The following DDX59 variants were observed in gnomAD, a reference collection of about 807,000 sequenced individuals.
DDX59 encodes the protein probable ATP-dependent RNA helicase DDX59.
DDX59 carries 30 observed loss-of-function variants against 51.9 expected under a neutral mutation model. That is an observed-to-expected ratio of 0.58 (90% CI 0.43 to 0.78). DDX59 has a LOEUF of 0.78. DDX59 is among the 30% of genes least tolerant of loss of function. DDX59 has a pLI of 0.00. For synonymous variants in DDX59, 255 were observed against 253.3 expected (o/e 1.01, Z -0.06); for missense variants, 672 against 730.8 (o/e 0.92, Z 0.93).
intron 5 of DDX59, 55 bp from the exon 6 acceptor site, chr1:200,649,281 G>T: frequency 6.9e-7 from 1 of 1,443,570 alleles, no homozygotes; most frequent in Non-Finnish European, 9.3e-7. Flanking sequence ...ATTTACAATG[G>T]GAAGTTTTTC....
chr1:200,661,925 C>T (rs1662399891), intron 3 of DDX59, among the ~76,000 whole-genome samples: 1 of 152,022 alleles, frequency 6.6e-6, no homozygotes, highest in African/African-American at 2.4e-5. Context: ...AACACCCTTC[C>T]CCTTGGTGCT....
At chr1:200,654,157 T>C (rs1661852215) in intron 4 of DDX59, among the ~76,000 whole-genome samples, 1 of 152,216 alleles carries the variant, frequency 6.6e-6, no homozygotes, top group Non-Finnish European at 1.5e-5. Flanking sequence ...CTCAAGCCTG[T>C]AATCCCAGCA....
At chr1:200,655,073 A>G (rs560665639) in intron 4 of DDX59, 14 of 152,278 alleles carry the variant, frequency 9.2e-5, no homozygotes, top group African/African-American at 3.4e-4. Context: ...TGAGCCAGAA[A>G]AGGCTCAGAG....
chr1:200,647,784 C>A (rs1661379739), intron 7 of DDX59, among the ~76,000 whole-genome samples: 1 of 151,378 alleles, frequency 6.6e-6, no homozygotes. Flanking sequence ...CCAGCCTAGC[C>A]AACATGGTGA....
At chr1:200,661,594 C>T in intron 3 of DDX59, among the ~76,000 whole-genome samples, 1 of 151,894 alleles carries the variant, frequency 6.6e-6, no homozygotes. Context: ...CTTAAAAGGG[C>T]CAAGATTATG....
chr1:200,642,163 G>C (rs1401388651), downstream of DDX59, among the ~76,000 whole-genome samples: 3 of 152,058 alleles, frequency 2.0e-5, no homozygotes, highest in Non-Finnish European at 2.9e-5. Flanking sequence ...GCTTCAATCT[G>C]GCAATAAAGC....
chr1:200,641,041 T>C (rs1571597611), downstream of DDX59: 5 of 515,728 alleles, frequency 9.7e-6, no homozygotes, highest in East Asian at 3.5e-4. Flanking sequence ...TCATTGTAAG[T>C]ATGCCTTGGC....
chr1:200,655,129 G>C (rs1661935437), intron 4 of DDX59: 1 of 152,146 alleles, frequency 6.6e-6, no homozygotes, highest in South Asian at 2.1e-4. Context: ...CTACCCCTTA[G>C]TTCATCATTT....
intron 7 of DDX59, among the ~76,000 whole-genome samples, chr1:200,644,879 GAA>G (rs1406570695): frequency 2.0e-5 from 1 of 50,328 alleles, no homozygotes; most frequent in African/African-American, 8.7e-5. Flanking sequence ...CTGGGTGGCA[GAA>G]AAAGACTCCA....
At chr1:200,654,210 G>A (rs915010380) in intron 4 of DDX59, among the ~76,000 whole-genome samples, 4 of 152,060 alleles carry the variant, frequency 2.6e-5, no homozygotes, top group South Asian at 2.1e-4. Flanking sequence ...TCAGGAGATC[G>A]AGACTATCCT....
At chr1:200,651,780 G>A (rs186249237) in intron 4 of DDX59, among the ~76,000 whole-genome samples, 24 of 152,194 alleles carry the variant, frequency 1.6e-4, no homozygotes, top group African/African-American at 5.8e-4. Flanking sequence ...AGGCCAAAGT[G>A]GGTGGATCAC....
Position 200,664,277 on chromosome 1 carries a change from A to G in DDX59, c.805-191T>C, listed in dbSNP as rs116548497. On this transcript the variant is annotated intron_variant, in intron 2 of 7. Transcript: ENST00000331314. The stretch of plus-strand genomic sequence containing the variant: ...ATCATAAATTAAACCCATTTCTTAC[A>G]TAACACAGAATACAATGAAAGATCA... Among the ~76,000 whole-genome samples, 815 of 152,306 alleles carry G rather than the reference A, an allele frequency of 5.4e-3. 6 individuals are homozygous for G. The highest frequency in any genetic ancestry group is 0.018 in the African/African-American group (768 of 41,562).
downstream of DDX59, among the ~76,000 whole-genome samples, chr1:200,643,178 TGG>T (rs151062617): frequency 0.084 from 12,775 of 151,936 alleles, 643 homozygotes; most frequent in South Asian, 0.14. Context: ...CCCAGCTACT[TGG>T]GAGGCTGAGG....
At chr1:200,669,305 A>G (rs1662993122) in intron 1 of DDX59, among the ~76,000 whole-genome samples, 2 of 149,034 alleles carry the variant, frequency 1.3e-5, no homozygotes. Context: ...CAGAAATGCA[A>G]CCGAGGGTCT....
intron 7 of DDX59, among the ~76,000 whole-genome samples, chr1:200,644,846 A>T (rs1268707807): frequency 1.4e-5 from 2 of 142,598 alleles, no homozygotes; most frequent in Non-Finnish European, 3.0e-5. Flanking sequence ...CAATGAGCTG[A>T]GATCGTGCCA....
rs546480720 is a variant in DDX59, at chr1:200,666,347, T to C, written c.394A>G (p.Lys132Glu). 1 of 1,614,236 alleles carries C rather than the reference T, an allele frequency of 6.2e-7. No individual in the cohort carries two copies. The highest frequency in any genetic ancestry group is 8.5e-7 in the Non-Finnish European group (1 of 1,180,044). Reference sequence around the variant, plus strand: ...TTAACTTGTAGAAGATGTTTCGCTTTACACTCCAAACTACACACATCTTCA... The same window carrying C: ...TTAACTTGTAGAAGATGTTTCGCTTCACACTCCAAACTACACACATCTTCA... Reference protein sequence around the residue: ...TDEDVCSLECKAKHLLQVKEK... With the variant: ...TDEDVCSLECEAKHLLQVKEK... The change falls in exon 2 of 8, where the codon AAA becomes GAA. Residue 132 changes from lysine (K) to glutamate (E), a missense_variant. Lys to Glu is a moderately conservative substitution (Grantham distance 56). Transcript: ENST00000331314.
At chr1:200,649,822 C>A (rs937861599) in intron 5 of DDX59, among the ~76,000 whole-genome samples, 1 of 151,742 alleles carries the variant, frequency 6.6e-6, no homozygotes, top group Admixed American at 6.6e-5. Flanking sequence ...CAAGTCAATA[C>A]CAACCATATT....
chr1:200,643,143 AAC>A (rs138346081), downstream of DDX59, among the ~76,000 whole-genome samples: 13,571 of 152,102 alleles, frequency 0.089, 725 homozygotes, highest in Non-Finnish European at 0.11. Flanking sequence ...CAGCCTGAGC[AAC>A]ATAGTGAGAC....
At position 200,653,402 on chromosome 1, in the gene DDX59, C is replaced by A. The variant is rs543994774; in HGVS notation, c.1063-2726G>T. 5.3e-5 allele frequency among the ~76,000 whole-genome samples: 8 copies of A among 152,310 alleles called. No individual in the cohort carries two copies. In the East Asian group the frequency reaches 1.5e-3, roughly 29 times the overall value. On this transcript the variant is annotated intron_variant, in intron 4 of 7. Transcript: ENST00000331314. ...TGTTCTCTTTACCACTTGACACTGACTCCATTAATCATCCTGTCAACCCAC... is the reference window on the plus strand; with the variant it reads ...TGTTCTCTTTACCACTTGACACTGAATCCATTAATCATCCTGTCAACCCAC...
Sources: allele counts gnomAD v4.1 joint callset (sites outside exome capture counted in the v4.1 genomes callset), GRCh38; gene constraint gnomAD v4.1.1; transcripts MANE v1.5; gene names NCBI Gene and HGNC (gene_info 2026-07-23, HGNC 2026-07-21).